The following PIAS2 variants were observed in gnomAD, a reference collection of about 807,000 sequenced individuals.
PIAS2 encodes E3 SUMO-protein ligase PIAS2.
A neutral mutation model predicts 69.7 loss-of-function variants in PIAS2; 19 were observed. That is an observed-to-expected ratio of 0.27 (90% CI 0.19 to 0.40). The LOEUF (loss-of-function observed/expected upper bound fraction) is 0.40. PIAS2 is among the 10% of genes least tolerant of loss of function. The pLI is 1.00. For missense variants in PIAS2, 624 were observed against 757.0 expected (o/e 0.82, Z 2.06); for synonymous variants, 261 against 263.2 (o/e 0.99, Z 0.08).
chr18:46,822,885 G>T (rs2042333224), intron 11 of PIAS2, among the ~76,000 whole-genome samples: 1 of 151,976 alleles, frequency 6.6e-6, no homozygotes, highest in African/African-American at 2.4e-5. Context: ...TAACAGGCAG[G>T]CTTTTGAAGA....
chr18:46,812,367 C>A lies in PIAS2; in HGVS notation c.*66G>T. ...AAAAAAAAAAAAAAAAGAACGTTTC[C>A]ACAGACTAGAGATCCAAGAAAAAGC... On this transcript the variant is annotated 3_prime_UTR_variant, in exon 14 of 14. Coordinates refer to ENST00000585916, the MANE Select transcript of PIAS2 (RefSeq NM_004671.5). 2.3e-6 allele frequency: 2 copies of A among 870,432 alleles called. No homozygotes were observed. Among genetic ancestry groups the A allele is most frequent in the Non-Finnish European group, 3.4e-6 (2 of 589,328 alleles). The allele number at this position is 870,432 out of a possible 1,614,324, so 53.9% of individuals were successfully genotyped here. A position where few individuals can be genotyped will look rare whatever the true frequency, so the allele number is the denominator to read the frequency against.
At chr18:46,854,732 A>T (rs934194211) in intron 5 of PIAS2, among the ~76,000 whole-genome samples, 1 of 152,048 alleles carries the variant, frequency 6.6e-6, no homozygotes, top group African/African-American at 2.4e-5. Flanking sequence ...CTATTATTGC[A>T]CCCACCCACC....
rs2044457247 is a variant in PIAS2 at position 46,836,536 on chromosome 18, A to G, written c.1042-19T>C. ...TTCCTAACTACAGGACAGGAAACAC[A>G]AGGAAAACTATTTCAGAAAGGAGAA... On this transcript the variant is annotated intron_variant, in intron 8 of 13. Coordinates refer to ENST00000585916, the MANE Select transcript of PIAS2 (RefSeq NM_004671.5). 6.9e-6 allele frequency: 11 copies of G among 1,590,764 alleles called. No homozygotes were observed. The highest frequency in any genetic ancestry group is 9.4e-6 in the Non-Finnish European group (11 of 1,164,058).
At chr18:46,826,326 T>C (rs1393127297) in intron 11 of PIAS2, among the ~76,000 whole-genome samples, 1 of 152,192 alleles carries the variant, frequency 6.6e-6, no homozygotes, top group Non-Finnish European at 1.5e-5. Flanking sequence ...TCCTGTTTCA[T>C]GGACTTATCA....
At position 46,917,314 on chromosome 18, in the gene PIAS2, C is replaced by G; in HGVS notation, c.24+8G>C. The G allele has an allele frequency of 6.8e-7, 1 of 1,478,512 alleles. No individual in the cohort carries two copies. Among genetic ancestry groups the G allele is most frequent in the Non-Finnish European group, 9.0e-7 (1 of 1,110,844 alleles). 91.6% of individuals were successfully genotyped at this position (1,478,512 alleles called of 1,614,324 possible). Reference sequence around the variant, plus strand: ...CCCCCGCGGCCTCCGCTCTCCACTCCCGCTTACCCTCAACTCTTCGAAATC... The same window carrying G: ...CCCCCGCGGCCTCCGCTCTCCACTCGCGCTTACCCTCAACTCTTCGAAATC... On this transcript the variant is annotated splice_region_variant and intron_variant, in intron 1 of 13. Transcript: ENST00000585916.
At chr18:46,837,711 G>A (rs993191015) in intron 8 of PIAS2, among the ~76,000 whole-genome samples, 13 of 151,998 alleles carry the variant, frequency 8.6e-5, no homozygotes, top group Non-Finnish European at 1.6e-4. Flanking sequence ...GCACCAAGAC[G>A]TACACAACAC....
intron 11 of PIAS2, among the ~76,000 whole-genome samples, chr18:46,824,589 T>G (rs1275356706): frequency 2.0e-5 from 3 of 152,228 alleles, no homozygotes; most frequent in Non-Finnish European, 4.4e-5. Flanking sequence ...GGAATAGGAC[T>G]GCCATCAAAA....
chr18:46,912,632 C>T (rs2057388013), intron 1 of PIAS2, among the ~76,000 whole-genome samples: 2 of 152,016 alleles, frequency 1.3e-5, no homozygotes, highest in Non-Finnish European at 2.9e-5. Context: ...AAGTCTAGGA[C>T]AGGTGGAAAA....
chr18:46,863,327 A>C (rs1348427029), intron 3 of PIAS2, among the ~76,000 whole-genome samples: 1 of 152,044 alleles, frequency 6.6e-6, no homozygotes, highest in East Asian at 1.9e-4. Flanking sequence ...TTTACCCAAT[A>C]TATATATTTT....
chr18:46,847,157 A>G (rs2046272918), intron 5 of PIAS2, among the ~76,000 whole-genome samples: 1 of 152,226 alleles, frequency 6.6e-6, no homozygotes, highest in Admixed American at 6.5e-5. Flanking sequence ...TTTACAGATA[A>G]AGTCACAACT....
intron 11 of PIAS2, among the ~76,000 whole-genome samples, chr18:46,824,401 C>G (rs1163577305): frequency 6.6e-6 from 1 of 152,084 alleles, no homozygotes; most frequent in Non-Finnish European, 1.5e-5. Flanking sequence ...CTTTAGAATA[C>G]CTTCTTATTA....
chr18:46,844,081 A>C lies in PIAS2; in HGVS notation c.1014T>G (p.Thr338=). The C allele has an allele frequency of 6.5e-7, 1 of 1,540,338 alleles. No individual in the cohort carries two copies. ...GGCACATCAAGGATACCCGAAGGCT[A>C]GTTGTAGCAATTTCACTATCAGGAT... ...TADPDSEIAT[T]SLRVSLMCPL... The change falls in exon 8 of 14, where the codon ACT becomes ACG. Residue 338 remains threonine (T), a synonymous_variant. Transcript: ENST00000585916.
chr18:46,919,007 A>ATATATGTG (rs550181494), upstream of PIAS2, among the ~76,000 whole-genome samples: 1 of 143,218 alleles, frequency 7.0e-6, no homozygotes. Context: ...ATATATATAT[A>ATATATGTG]TGTGTGTGTG....
chr18:46,850,761 T>C (rs2145352796), intron 5 of PIAS2, among the ~76,000 whole-genome samples: 1 of 152,272 alleles, frequency 6.6e-6, no homozygotes, highest in East Asian at 1.9e-4. Context: ...CCTAGACCCA[T>C]TATATGATTA....
chr18:46,886,218 G>T (rs981030089), intron 2 of PIAS2, among the ~76,000 whole-genome samples: 1 of 150,652 alleles, frequency 6.6e-6, no homozygotes, highest in Non-Finnish European at 1.5e-5. Flanking sequence ...CATTCCTGAG[G>T]GGCCTCATGA....
At chr18:46,915,083 G>C (rs2057667807) in intron 1 of PIAS2, 1 of 151,916 alleles carries the variant, frequency 6.6e-6, no homozygotes, top group South Asian at 2.1e-4. Context: ...CAAGGTACCA[G>C]AACAAAGTAG....
upstream of PIAS2, among the ~76,000 whole-genome samples, chr18:46,919,048 A>AAC (rs1301080111): frequency 2.0e-5 from 3 of 151,316 alleles, no homozygotes; most frequent in African/African-American, 4.9e-5. Context: ...ATATATACAC[A>AAC]ACACACACAC....
intron 3 of PIAS2, among the ~76,000 whole-genome samples, chr18:46,859,199 C>T (rs1432836689): frequency 1.3e-5 from 2 of 152,032 alleles, no homozygotes; most frequent in Non-Finnish European, 1.5e-5. Flanking sequence ...GAGGCCGAAG[C>T]GGGTGGATCA....
intron 3 of PIAS2, 63 bp downstream of exon 3, chr18:46,864,101 T>A: frequency 1.1e-6 from 1 of 948,308 alleles, no homozygotes; most frequent in South Asian, 1.6e-5. Flanking sequence ...AATTTTGTTA[T>A]GGCAGCCCTA....
Sources: allele counts gnomAD v4.1 joint callset (sites outside exome capture counted in the v4.1 genomes callset), GRCh38; gene constraint gnomAD v4.1.1; transcripts MANE v1.5; gene names NCBI Gene and HGNC (gene_info 2026-07-23, HGNC 2026-07-21).